Variants in DACH1 observed in about 807,000 individuals in gnomAD.
DACH1 encodes dachshund family transcription factor 1, also known as dachshund homolog 1.
A neutral mutation model predicts 54.2 loss-of-function variants in DACH1; 12 were observed. The observed-to-expected ratio is 0.22, with a 90% CI of 0.14 to 0.36. The LOEUF (loss-of-function observed/expected upper bound fraction) is 0.36, where lower values mean the gene tolerates loss of function less well. Among genes scored for constraint, DACH1 ranks in the 10% least tolerant of loss-of-function variants. DACH1 has a pLI of 1.00. For missense variants in DACH1, 805 were observed against 929.8 expected (o/e 0.87, Z 1.75); for synonymous variants, 386 against 366.2 (o/e 1.05, Z -0.62).
chr13:71,467,954 A>G (rs1876739658), intron 10 of DACH1, among the ~76,000 whole-genome samples: 1 of 152,150 alleles, frequency 6.6e-6, no homozygotes, highest in South Asian at 2.1e-4. Context: ...GCAGCCCCGA[A>G]AACAGTTTTA....
At chr13:71,708,007 A>G (rs1456131166) in intron 1 of DACH1, among the ~76,000 whole-genome samples, 1 of 152,122 alleles carries the variant, frequency 6.6e-6, no homozygotes, top group East Asian at 1.9e-4. Flanking sequence ...TTGGTGAGTA[A>G]TCTAACTTCT....
intron 2 of DACH1, among the ~76,000 whole-genome samples, chr13:71,655,721 T>G (rs1043985488): frequency 2.6e-5 from 4 of 152,160 alleles, no homozygotes; most frequent in Admixed American, 1.3e-4. Context: ...TTAAAAATCT[T>G]AGAAATGACA....
chr13:71,544,178 A>ATATC (rs1393573010), intron 6 of DACH1, among the ~76,000 whole-genome samples: 3 of 152,124 alleles, frequency 2.0e-5, no homozygotes, highest in Admixed American at 6.6e-5. Flanking sequence ...AGAAAGAACT[A>ATATC]TATCTATTGG....
At chr13:71,794,649 G>T (rs1467883911) in intron 1 of DACH1, among the ~76,000 whole-genome samples, 1 of 152,144 alleles carries the variant, frequency 6.6e-6, no homozygotes, top group African/African-American at 2.4e-5. Flanking sequence ...TGTTGGCCAG[G>T]TTTGTCTCTA....
chr13:71,746,362 C>G (rs954661099), intron 1 of DACH1, among the ~76,000 whole-genome samples: 1 of 152,110 alleles, frequency 6.6e-6, no homozygotes, highest in Non-Finnish European at 1.5e-5. Flanking sequence ...AAAGTGGAAG[C>G]TTAGAGTTTA....
chr13:71,440,767 C>A, intron 10 of DACH1, 75 bp from the exon 11 acceptor site: 3 of 1,181,062 alleles, frequency 2.5e-6, no homozygotes, highest in Middle Eastern at 2.0e-4. Context: ...AATGATGTAA[C>A]TTGATATAAA....
intron 1 of DACH1, among the ~76,000 whole-genome samples, chr13:71,686,030 C>T (rs1881143074): frequency 1.3e-5 from 2 of 152,156 alleles, no homozygotes; most frequent in South Asian, 2.1e-4. Context: ...CAATAGTAGC[C>T]ACTATCAACC....
chr13:71,561,748 G>T (rs561622525), intron 4 of DACH1, among the ~76,000 whole-genome samples: 1 of 152,104 alleles, frequency 6.6e-6, no homozygotes, highest in East Asian at 1.9e-4. Context: ...CTCTCCCTAT[G>T]ATTTTAATAT....
chr13:71,466,913 CTCTG>C (rs1021224890), intron 10 of DACH1, among the ~76,000 whole-genome samples: 7 of 148,564 alleles, frequency 4.7e-5, no homozygotes, highest in Admixed American at 6.7e-5. Flanking sequence ...CCTAAATTTT[CTCTG>C]TCTAATTGAA....
chr13:71,630,091 T>C (rs573449055), intron 3 of DACH1, among the ~76,000 whole-genome samples: 34 of 152,254 alleles, frequency 2.2e-4, no homozygotes, highest in African/African-American at 7.9e-4. Flanking sequence ...GAATTAATCA[T>C]CAACATAATC....
intron 1 of DACH1, among the ~76,000 whole-genome samples, chr13:71,736,946 A>G (rs1382144637): frequency 6.6e-6 from 1 of 152,164 alleles, no homozygotes; most frequent in African/African-American, 2.4e-5. Flanking sequence ...ACAATCTGAT[A>G]AATGACACTT....
chr13:71,499,432 A>G (rs1879729959), intron 6 of DACH1, among the ~76,000 whole-genome samples: 1 of 152,222 alleles, frequency 6.6e-6, no homozygotes, highest in South Asian at 2.1e-4. Context: ...CTAAGAGCAC[A>G]ACGGAAACAA....
chr13:71,859,247 T>C (rs1874198240), intron 1 of DACH1, among the ~76,000 whole-genome samples: 1 of 151,760 alleles, frequency 6.6e-6, no homozygotes, highest in Admixed American at 6.6e-5. Context: ...GCAAATTTAA[T>C]GTCCAATTTA....
Position 71,754,963 on chromosome 13 carries a change from G to A in DACH1, c.849-73053C>T, listed in dbSNP as rs192956122. ...GAGATGGGCAAAAAGACCGGGGCCG[G>A]GGGGAAATCATCATAAACTACTTTA... On this transcript the variant is annotated intron_variant, in intron 1 of 10. Coordinates refer to ENST00000613252, the MANE Select transcript of DACH1 (RefSeq NM_080759.6). Among the ~76,000 whole-genome samples the A allele has an allele frequency of 2.0e-3, 306 of 152,206 alleles. 1 individual carries two copies. The highest frequency in any genetic ancestry group is 3.4e-3 in the Middle Eastern group (1 of 294).
intron 2 of DACH1, among the ~76,000 whole-genome samples, chr13:71,654,173 C>T (rs891972392): frequency 6.6e-6 from 1 of 151,638 alleles, no homozygotes; most frequent in African/African-American, 2.4e-5. Context: ...GGAAGATCAC[C>T]TGAGTTAGGA....
intron 3 of DACH1, among the ~76,000 whole-genome samples, chr13:71,614,464 A>C (rs1341511011): frequency 1.3e-5 from 2 of 152,132 alleles, no homozygotes; most frequent in South Asian, 2.1e-4. Flanking sequence ...AAAAAACCCA[A>C]ATTTCAGTTA....
Position 71,742,923 on chromosome 13 carries a change from T to G in DACH1, c.849-61013A>C, listed in dbSNP as rs182273353. Among the ~76,000 whole-genome samples, 282 of 152,304 alleles carry G rather than the reference T, an allele frequency of 1.9e-3. 1 individual carries two copies. The highest frequency in any genetic ancestry group is 6.4e-3 in the African/African-American group (267 of 41,582). ...CCATGTGCTATTTCTCTGTAGAAAT[T>G]TATGAATCTTGTGGTAAAGTTTCTC... On this transcript the variant is annotated intron_variant, in intron 1 of 10. Transcript: ENST00000613252.
At chr13:71,647,250 TAGAC>T (rs1878346218) in intron 2 of DACH1, among the ~76,000 whole-genome samples, 1 of 152,196 alleles carries the variant, frequency 6.6e-6, no homozygotes, top group Non-Finnish European at 1.5e-5. Context: ...GGAAGGGAAC[TAGAC>T]AGCAAGTAAG....
intron 3 of DACH1, among the ~76,000 whole-genome samples, chr13:71,596,493 G>C (rs984321157): frequency 2.0e-5 from 3 of 152,166 alleles, no homozygotes; most frequent in South Asian, 2.1e-4. Flanking sequence ...TTAATACATT[G>C]TACTTGTAAT....
Sources: allele counts gnomAD v4.1 joint callset (sites outside exome capture counted in the v4.1 genomes callset), GRCh38; gene constraint gnomAD v4.1.1; transcripts MANE v1.5; gene names NCBI Gene and HGNC (gene_info 2026-07-23, HGNC 2026-07-21).